Variants in SYTL3 observed in about 807,000 individuals in gnomAD.
The protein encoded by SYTL3 is synaptotagmin like 3, also known as synaptotagmin-like protein 3.
Under a neutral mutation model 82.1 loss-of-function variants are expected in SYTL3, and 88 were observed. The observed-to-expected ratio is 1.07, with a 90% CI of 0.90 to 1.28. SYTL3 has a LOEUF of 1.28. SYTL3 is among the 50% of genes most tolerant of loss of function. The pLI is 0.00. For synonymous variants in SYTL3, 311 were observed against 289.4 expected (o/e 1.07, Z -0.76); for missense variants, 831 against 757.6 (o/e 1.10, Z -1.14).
intron 11 of SYTL3, among the ~76,000 whole-genome samples, chr6:158,734,939 G>A (rs906089496): frequency 2.6e-5 from 4 of 152,208 alleles, no homozygotes; most frequent in Non-Finnish European, 4.4e-5. Flanking sequence ...GGAACCTGAG[G>A]TTCACAGAGT....
At chr6:158,697,341 T>G (rs1562388345) in intron 6 of SYTL3, among the ~76,000 whole-genome samples, 1 of 150,582 alleles carries the variant, frequency 6.6e-6, no homozygotes, top group Non-Finnish European at 1.5e-5. Context: ...TCCCAGCTAC[T>G]TGGGAGGCTG....
chr6:158,728,244 C>T (rs531218039), intron 11 of SYTL3, among the ~76,000 whole-genome samples: 257 of 151,676 alleles, frequency 1.7e-3, no homozygotes, highest in African/African-American at 5.9e-3. Flanking sequence ...TGCTCCAGCT[C>T]GTTACTATTT....
intron 5 of SYTL3, among the ~76,000 whole-genome samples, chr6:158,668,444 G>T (rs1042404090): frequency 6.6e-6 from 1 of 152,170 alleles, no homozygotes; most frequent in Non-Finnish European, 1.5e-5. Context: ...GGCCAGGCTG[G>T]CCTCGAATTC....
chr6:158,726,452 AT>A, intron 11 of SYTL3: 1 of 195,012 alleles, frequency 5.1e-6, no homozygotes, highest in South Asian at 9.4e-5. Context: ...CCGTAGAATT[AT>A]GCCTCCCAAT....
intron 13 of SYTL3, among the ~76,000 whole-genome samples, chr6:158,754,583 A>G (rs1407319982): frequency 2.0e-5 from 3 of 152,194 alleles, no homozygotes; most frequent in Admixed American, 6.5e-5. Flanking sequence ...AGCTGGGCAC[A>G]GTGGCGGGCA....
chr6:158,663,341 G>A lies in SYTL3; in HGVS notation c.73G>A (p.Asp25Asn). The A allele has an allele frequency of 1.2e-6, 2 of 1,614,066 alleles. No individual in the cohort carries two copies. Among genetic ancestry groups the A allele is most frequent in the South Asian group, 1.1e-5 (1 of 91,074 alleles). Residue 25 changes from aspartate (D) to asparagine (N), a missense_variant, in exon 4 of 18, where the codon GAC (aspartate) becomes AAC (asparagine). Coordinates refer to ENST00000611299, the MANE Select transcript of SYTL3 (RefSeq NM_001242394.2). ...GGCCATTCTCCAGGTCCTGTACCGA[G>A]ACCAGGCGGTTCAAAACACAGAGGA... is the stretch of plus-strand genomic sequence containing the variant. Reference protein sequence around the residue: ...REAILQVLYRDQAVQNTEEER... With the variant: ...REAILQVLYRNQAVQNTEEER...
chr6:158,693,697 TTTTC>T (rs974618294), intron 6 of SYTL3, among the ~76,000 whole-genome samples: 14 of 130,538 alleles, frequency 1.1e-4, no homozygotes, highest in South Asian at 6.4e-4. Context: ...TTTCTTTTCG[TTTTC>T]TTTCTTTCTT....
At chr6:158,647,986 A>G (rs961866801), upstream of SYTL3, among the ~76,000 whole-genome samples, 3 of 152,236 alleles carry the variant, frequency 2.0e-5, no homozygotes, top group African/African-American at 7.2e-5. Flanking sequence ...TCACATCAAT[A>G]AATAACATCA....
chr6:158,696,280 A>T (rs1167802656), intron 6 of SYTL3, among the ~76,000 whole-genome samples: 1 of 151,642 alleles, frequency 6.6e-6, no homozygotes, highest in African/African-American at 2.4e-5. Context: ...GCTGACTGCA[A>T]TTTCTGCCTC....
chr6:158,745,655 A>G lies in SYTL3; in HGVS notation c.1031A>G (p.Asn344Ser), dbSNP rs768639874. 2 of 1,587,358 alleles carry G rather than the reference A, an allele frequency of 1.3e-6. No homozygotes were observed. Among genetic ancestry groups the G allele is most frequent in the East Asian group, 2.2e-5 (1 of 44,556 alleles). Residue 344 changes from asparagine (N) to serine (S), a missense_variant, in exon 12 of 18, where the codon AAT becomes AGT. Coordinates refer to ENST00000611299, the MANE Select transcript of SYTL3 (RefSeq NM_001242394.2). ...GGAGAAGAAAAGAAGAAAAAGTGCAATCCGTAAGTTGTTTTTTTTAAGTTT... is the reference window on the plus strand; with the variant it reads ...GGAGAAGAAAAGAAGAAAAAGTGCAGTCCGTAAGTTGTTTTTTTTAAGTTT... ...AYGEEKKKKC[N>S]PYVKTYLLPD...
intron 6 of SYTL3, among the ~76,000 whole-genome samples, chr6:158,700,606 T>TTGTA (rs372578210): frequency 0.067 from 10,198 of 151,904 alleles, 399 homozygotes; most frequent in Middle Eastern, 0.12. Flanking sequence ...GCTACTGATG[T>TTGTA]TGTATGTATG....
chr6:158,709,297 A>G (rs1782493169), intron 8 of SYTL3, among the ~76,000 whole-genome samples: 1 of 152,204 alleles, frequency 6.6e-6, no homozygotes, highest in Non-Finnish European at 1.5e-5. Flanking sequence ...AGCCTGCCTT[A>G]AAAGTGCTCC....
At chr6:158,657,871 CA>C (rs1788881785) in intron 2 of SYTL3, among the ~76,000 whole-genome samples, 3 of 104,994 alleles carry the variant, frequency 2.9e-5, no homozygotes, top group Non-Finnish European at 1.9e-5. Flanking sequence ...ACACTAGTTG[CA>C]TTTCTTTTTT....
intron 6 of SYTL3, among the ~76,000 whole-genome samples, chr6:158,702,392 G>C (rs1032651837): frequency 6.7e-6 from 1 of 149,602 alleles, no homozygotes; most frequent in African/African-American, 2.5e-5. Flanking sequence ...TACCCAGGCT[G>C]GTCTCAAACT....
At chr6:158,743,570 C>G (rs2128509213) in intron 11 of SYTL3, among the ~76,000 whole-genome samples, 1 of 149,102 alleles carries the variant, frequency 6.7e-6, no homozygotes, top group East Asian at 2.0e-4. Context: ...TCATACCTCA[C>G]TCACTCATGC....
At chr6:158,730,369 A>C (rs142858722) in intron 11 of SYTL3, among the ~76,000 whole-genome samples, 1 of 152,372 alleles carries the variant, frequency 6.6e-6, no homozygotes, top group East Asian at 1.9e-4. Flanking sequence ...CTTTCTGCAG[A>C]AAGTAAAATT....
chr6:158,739,000 A>T (rs779785437), intron 11 of SYTL3, among the ~76,000 whole-genome samples: 2 of 151,938 alleles, frequency 1.3e-5, no homozygotes, highest in Non-Finnish European at 2.9e-5. Context: ...TGGCATTCCC[A>T]CCTTTCCCCT....
At position 158,699,293 on chromosome 6, in the gene SYTL3, G is replaced by A. The variant is rs530493655; in HGVS notation, c.395-7937G>A. Reference sequence around the variant, plus strand: ...AGGAGAGAAGAGTTGGAGCAACAGGGCCCGCATCTGCTGCAGGAATTGCAG... The same window carrying A: ...AGGAGAGAAGAGTTGGAGCAACAGGACCCGCATCTGCTGCAGGAATTGCAG... On this transcript the variant is annotated intron_variant, in intron 6 of 17. Transcript: ENST00000611299. Among the ~76,000 whole-genome samples, 28 of 152,312 alleles carry A rather than the reference G, an allele frequency of 1.8e-4. 1 individual carries two copies. The East Asian group carries it at 4.4e-3, about 24-fold the overall frequency.
chr6:158,672,431 A>T (rs900904308), intron 5 of SYTL3, among the ~76,000 whole-genome samples: 1 of 152,210 alleles, frequency 6.6e-6, no homozygotes, highest in Middle Eastern at 3.2e-3. Flanking sequence ...CTGTTTACTC[A>T]GTAAATGCAG....
Sources: allele counts gnomAD v4.1 joint callset (sites outside exome capture counted in the v4.1 genomes callset), GRCh38; gene constraint gnomAD v4.1.1; transcripts MANE v1.5; gene names NCBI Gene and HGNC (gene_info 2026-07-23, HGNC 2026-07-21).